SSPN: variants seen among roughly 807,000 people sequenced by gnomAD.
SSPN encodes sarcospan, also known as K-ras oncogene-associated protein.
Under a neutral mutation model 19.1 loss-of-function variants are expected in SSPN, and 15 were observed. The observed-to-expected ratio is 0.78, with a 90% CI of 0.52 to 1.21. The LOEUF is 1.21. Ranked by LOEUF, SSPN falls within the 50% of genes most tolerant of loss-of-function variation. The pLI is 0.00. For synonymous variants in SSPN, 147 were observed against 140.3 expected (o/e 1.05, Z -0.34); for missense variants, 291 against 314.0 (o/e 0.93, Z 0.55).
intron 1 of SSPN, among the ~76,000 whole-genome samples, chr12:26,134,272 A>G (rs925992878): frequency 2.0e-5 from 3 of 152,048 alleles, no homozygotes; most frequent in African/African-American, 7.2e-5. Context: ...CACTTCCCCA[A>G]TGTCTTTCCC....
chr12:26,165,788 C>T (rs1032672153), intron 1 of SSPN, among the ~76,000 whole-genome samples: 4 of 152,176 alleles, frequency 2.6e-5, no homozygotes, highest in Admixed American at 6.5e-5. Flanking sequence ...GAGGGATTAA[C>T]GTAATAATTG....
chr12:26,159,689 T>C (rs1196926119), intron 1 of SSPN, among the ~76,000 whole-genome samples: 3 of 152,204 alleles, frequency 2.0e-5, no homozygotes, highest in Non-Finnish European at 2.9e-5. Flanking sequence ...ATAGGTATGA[T>C]TTTTTAATAT....
chr12:26,171,981 G>T (rs1208234530), intron 1 of SSPN, among the ~76,000 whole-genome samples: 1 of 152,202 alleles, frequency 6.6e-6, no homozygotes, highest in African/African-American at 2.4e-5. Context: ...GCAGTGAGAG[G>T]ATAGTAGCAC....
chr12:26,170,528 T>C (rs1473673795), intron 1 of SSPN, among the ~76,000 whole-genome samples: 2 of 152,226 alleles, frequency 1.3e-5, no homozygotes, highest in Admixed American at 1.3e-4. Flanking sequence ...ATTGCCACTA[T>C]TGAAATCGTT....
At chr12:26,227,944 T>C (rs527958176) in intron 2 of SSPN, among the ~76,000 whole-genome samples, 1 of 152,368 alleles carries the variant, frequency 6.6e-6, no homozygotes, top group Admixed American at 6.5e-5. Flanking sequence ...AAAAGTCATC[T>C]TTTAAAAATA....
chr12:26,165,840 C>T (rs189021592), intron 1 of SSPN, among the ~76,000 whole-genome samples: 1 of 152,284 alleles, frequency 6.6e-6, no homozygotes, highest in African/African-American at 2.4e-5. Context: ...TGTTCTCAGG[C>T]TCACATGAAG....
chr12:26,122,618 C>G, intron 1 of SSPN: 13 of 1,157,462 alleles, frequency 1.1e-5, no homozygotes, highest in Non-Finnish European at 1.3e-5. Context: ...CGGCTGCCGC[C>G]GCCGCCGCGC....
intron 1 of SSPN, chr12:26,122,265 G>A (rs1422266077): frequency 9.0e-6 from 11 of 1,228,224 alleles, no homozygotes; most frequent in Non-Finnish European, 1.1e-5. Flanking sequence ...CGACAACACC[G>A]AGGACAGGCA....
chr12:26,200,826 T>G (rs1286399964), intron 1 of SSPN, among the ~76,000 whole-genome samples: 5 of 151,630 alleles, frequency 3.3e-5, no homozygotes. Context: ...AAATAATTTT[T>G]ATTATGGCAA....
chr12:26,194,344 C>G (rs1392472072), upstream of SSPN, among the ~76,000 whole-genome samples: 7 of 152,240 alleles, frequency 4.6e-5, no homozygotes, highest in Admixed American at 1.3e-4. Flanking sequence ...GTAAAAGCGT[C>G]TATCTCTAAG....
chr12:26,162,236 TA>T (rs1191098905), intron 1 of SSPN, among the ~76,000 whole-genome samples: 1 of 152,244 alleles, frequency 6.6e-6, no homozygotes, highest in Non-Finnish European at 1.5e-5. Flanking sequence ...TTTTTTGTTT[TA>T]ACTTGAGAAA....
rs781518328 is a variant in SSPN, at chr12:26,195,873, G to A, written c.201G>A (p.Val67=). Residue 67 remains valine, a synonymous_variant, in exon 1 of 3, where the codon GTG becomes GTA. Transcript: ENST00000242729. The part of the protein sequence containing the change: ...ALLQLALGIA[V]TVVGFLMASI... ...TGCAGCTGGCCCTGGGCATCGCCGT[G>A]ACCGTGGTGGGCTTCCTCATGGCGA... 3.2e-6 allele frequency: 5 copies of A among 1,572,262 alleles called. No homozygotes were observed. In the African/African-American group the frequency reaches 6.9e-5, roughly 22 times the overall value.
chr12:26,229,848 T>G (rs184213763), intron 2 of SSPN, among the ~76,000 whole-genome samples: 4 of 152,326 alleles, frequency 2.6e-5, no homozygotes, highest in Non-Finnish European at 5.9e-5. Context: ...TAGATTTTAT[T>G]GTGGCCATGT....
intron 1 of SSPN, among the ~76,000 whole-genome samples, chr12:26,139,153 A>G (rs1001844596): frequency 2.0e-5 from 3 of 152,174 alleles, no homozygotes; most frequent in African/African-American, 7.2e-5. Context: ...TAAGAATAAA[A>G]TATATATTAC....
At chr12:26,146,942 AC>A (rs1396145738) in intron 1 of SSPN, among the ~76,000 whole-genome samples, 2 of 152,200 alleles carry the variant, frequency 1.3e-5, no homozygotes, top group African/African-American at 4.8e-5. Flanking sequence ...TTATAAACAT[AC>A]AAGGCTAAAA....
intron 1 of SSPN, among the ~76,000 whole-genome samples, chr12:26,212,344 G>T (rs1024541441): frequency 6.6e-6 from 1 of 152,126 alleles, no homozygotes; most frequent in Non-Finnish European, 1.5e-5. Context: ...TTGAGCAAGT[G>T]TCTTTTCTCT....
In SSPN at chr12:26,122,565, C is replaced by T. The variant is rs1263354784; in HGVS notation, c.-31+413C>T. The T allele has an allele frequency of 2.1e-4, 238 of 1,129,132 alleles. No individual in the cohort carries two copies. The highest frequency in any genetic ancestry group is 3.4e-4 in the Admixed American group (7 of 20,772). 69.9% of individuals were successfully genotyped at this position (1,129,132 alleles called of 1,614,324 possible). ...CGAGCTGAGCAGGGCGGCGTCGGGT[C>T]TCAGCAGCGCGGCCGCGGCGGCAGG... On this transcript the variant is annotated intron_variant, in intron 1 of 2. Coordinates refer to the SSPN transcript ENST00000538142.
intron 1 of SSPN, among the ~76,000 whole-genome samples, chr12:26,162,880 T>C (rs1015737954): frequency 1.3e-5 from 2 of 152,220 alleles, no homozygotes; most frequent in South Asian, 4.1e-4. Flanking sequence ...TAAGTTAATA[T>C]GTTGCCTGAA....
chr12:26,143,683 A>G (rs1273191158), intron 1 of SSPN, among the ~76,000 whole-genome samples: 2 of 152,208 alleles, frequency 1.3e-5, no homozygotes, highest in African/African-American at 4.8e-5. Flanking sequence ...AGAAAGAAAT[A>G]CTTGACATAT....
Sources: gnomAD v4.1 joint callset for allele counts (sites outside exome capture counted in the v4.1 genomes callset) on GRCh38, gnomAD v4.1.1 for gene constraint, MANE v1.5 for transcripts, NCBI Gene and HGNC (gene_info 2026-07-23, HGNC 2026-07-21) for gene names.